UBE2R2: variants seen among roughly 807,000 people sequenced by gnomAD.
The protein encoded by UBE2R2 is ubiquitin-conjugating enzyme E2 R2.
Under a neutral mutation model 27.8 loss-of-function variants are expected in UBE2R2, and 1 was observed. The observed-to-expected ratio is 0.04, with a 90% CI of 0.01 to 0.17. UBE2R2 has a LOEUF of 0.17. Ranked by LOEUF, UBE2R2 falls within the 10% of genes least tolerant of loss-of-function variation. The pLI is 1.00. For missense variants in UBE2R2, 100 were observed against 291.0 expected, an observed-to-expected ratio of 0.34 and a Z score of 4.78; for synonymous variants, 106 against 113.3, an observed-to-expected ratio of 0.94 and a Z score of 0.41.
chr9:33,918,040 G>A lies in UBE2R2; in HGVS notation c.*803G>A, dbSNP rs1044821808. On this transcript the variant is annotated 3_prime_UTR_variant, in exon 5 of 5. Coordinates refer to ENST00000263228, the MANE Select transcript of UBE2R2 (RefSeq NM_017811.4). ...TTAAAGGCAGGGTTATTTCCCCCCA[G>A]GGAGTGGGGCAAGCGGGGAAGTTGG... 2.6e-5 allele frequency: 4 copies of A among 153,714 alleles called. No homozygotes were observed. The highest frequency in any genetic ancestry group is 5.9e-5 in the Non-Finnish European group (4 of 68,050). 9.5% of individuals were successfully genotyped at this position (153,714 alleles called of 1,614,324 possible).
intron 2 of UBE2R2, among the ~76,000 whole-genome samples, chr9:33,892,003 C>CAT (rs890473853): frequency 5.9e-5 from 9 of 151,926 alleles, no homozygotes; most frequent in Admixed American, 3.9e-4. Flanking sequence ...TGTGTGTGTG[C>CAT]ATATATATAT....
chr9:33,891,689 G>A lies in UBE2R2; in HGVS notation c.264+4722G>A, dbSNP rs2130801182. Among the ~76,000 whole-genome samples the A allele has an allele frequency of 1.3e-5, 2 of 152,138 alleles. 1 individual carries two copies. The highest frequency in any genetic ancestry group is 4.2e-4 in the South Asian group (2 of 4,818). ...AATAAATCAAAAGACAAGCGCTTTGGTCACAGTTTATTAAATAAATGTATA... is the reference window on the plus strand; with the variant it reads ...AATAAATCAAAAGACAAGCGCTTTGATCACAGTTTATTAAATAAATGTATA... On this transcript the variant is annotated intron_variant, in intron 2 of 4. Coordinates refer to ENST00000263228, the MANE Select transcript of UBE2R2 (RefSeq NM_017811.4).
chr9:33,822,526 A>G (rs543688043), intron 1 of UBE2R2, among the ~76,000 whole-genome samples: 18 of 151,792 alleles, frequency 1.2e-4, no homozygotes, highest in Middle Eastern at 3.4e-3. Context: ...ACTTGGGCTC[A>G]AGGGATCCTC....
chr9:33,863,518 C>G lies in UBE2R2; in HGVS notation c.178-23363C>G, dbSNP rs890129363. Among the ~76,000 whole-genome samples the G allele has an allele frequency of 1.2e-4, 18 of 149,398 alleles. 1 individual carries two copies. The highest frequency in any genetic ancestry group is 3.2e-4 in the African/African-American group (13 of 40,442). On this transcript the variant is annotated intron_variant, in intron 1 of 4. Transcript: ENST00000263228. The stretch of plus-strand genomic sequence containing the variant: ...CCTGGGGGACAGAGAGAAACTCCAT[C>G]TCCAAAAAACAAAAAAAAAAAAAGT...
intron 1 of UBE2R2, among the ~76,000 whole-genome samples, chr9:33,831,571 C>T (rs1367203397): frequency 6.6e-6 from 1 of 152,152 alleles, no homozygotes. Flanking sequence ...CATGCATCAC[C>T]ACACCTGGCT....
chr9:33,851,234 G>A (rs1587444198), intron 1 of UBE2R2, among the ~76,000 whole-genome samples: 1 of 152,166 alleles, frequency 6.6e-6, no homozygotes, highest in Non-Finnish European at 1.5e-5. Flanking sequence ...TGAACCATTT[G>A]AGGGTGAGTT....
At chr9:33,835,282 G>A (rs571377364) in intron 1 of UBE2R2, among the ~76,000 whole-genome samples, 154 of 151,610 alleles carry the variant, frequency 1.0e-3, no homozygotes, top group Non-Finnish European at 1.9e-3. Flanking sequence ...GAGTAGTTGG[G>A]ACTACAGGCA....
At position 33,886,786 on chromosome 9, in the gene UBE2R2, G is replaced by T. The variant is rs147067442; in HGVS notation, c.178-95G>T. The T allele has an allele frequency of 7.7e-5, 77 of 1,000,424 alleles. 1 individual carries two copies. The African/African-American group carries it at 1.1e-3, about 14-fold the overall frequency. The allele number at this position is 1,000,424 out of a possible 1,614,324, so 62.0% of individuals were successfully genotyped here. A position where few individuals can be genotyped will look rare whatever the true frequency, so the allele number is the denominator to read the frequency against. ...ATCTCAAGAGTTTACTCTATGAAAG[G>T]AGCTTTGTTTCTGTGGCGTGTAGTA... On this transcript the variant is annotated intron_variant, in intron 1 of 4. Transcript: ENST00000263228.
At chr9:33,903,497 T>C (rs536164857) in intron 3 of UBE2R2, among the ~76,000 whole-genome samples, 1 of 152,250 alleles carries the variant, frequency 6.6e-6, no homozygotes, top group Non-Finnish European at 1.5e-5. Flanking sequence ...ATTTTTATGC[T>C]GCTTGGCTGG....
intron 4 of UBE2R2, 126 bp from the exon 5 acceptor site, chr9:33,916,892 G>A: frequency 7.1e-7 from 1 of 1,402,810 alleles, no homozygotes; most frequent in Non-Finnish European, 9.5e-7. Context: ...TCTGTCAGAT[G>A]CTTTCAGGCA....
intron 1 of UBE2R2, among the ~76,000 whole-genome samples, chr9:33,821,414 A>C (rs1825979215): frequency 6.6e-6 from 1 of 151,446 alleles, no homozygotes; most frequent in Non-Finnish European, 1.5e-5. Context: ...TTTCTCAGCC[A>C]CCCAAAGTGC....
intron 1 of UBE2R2, among the ~76,000 whole-genome samples, chr9:33,859,617 ATTG>A: frequency 6.6e-6 from 1 of 152,234 alleles, no homozygotes; most frequent in East Asian, 1.9e-4. Context: ...TTACAGAAGC[ATTG>A]TTGTGACGTT....
intron 2 of UBE2R2, among the ~76,000 whole-genome samples, chr9:33,895,865 C>T (rs1350712066): frequency 1.8e-4 from 27 of 150,402 alleles, no homozygotes; most frequent in Admixed American, 8.0e-4. Context: ...CTCTGCCTCC[C>T]GGGTTCAAGC....
intron 3 of UBE2R2, among the ~76,000 whole-genome samples, chr9:33,911,545 AT>A (rs1474071956): frequency 6.6e-6 from 1 of 152,004 alleles, no homozygotes; most frequent in Non-Finnish European, 1.5e-5. Flanking sequence ...AATTTTTAAA[AT>A]AAACAGTATT....
rs1296244673 is a variant in UBE2R2, at chr9:33,817,376, C to T, written c.-382C>T. 1.3e-5 allele frequency among the ~76,000 whole-genome samples: 2 copies of T among 150,352 alleles called. No individual in the cohort carries two copies. Among genetic ancestry groups the T allele is most frequent in the Non-Finnish European group, 3.0e-5 (2 of 67,162 alleles). The stretch of plus-strand genomic sequence containing the variant: ...GCGCGGCGTTCCCGGGCCGGCCCGG[C>T]CCCCTCCCTTCACCATCGCCGGCCC... On this transcript the variant is annotated 5_prime_UTR_variant, in exon 1 of 5. Coordinates refer to ENST00000263228, the MANE Select transcript of UBE2R2 (RefSeq NM_017811.4).
intron 2 of UBE2R2, among the ~76,000 whole-genome samples, chr9:33,888,359 G>T (rs374413158): frequency 6.6e-6 from 1 of 152,214 alleles, no homozygotes; most frequent in East Asian, 1.9e-4. Flanking sequence ...ATATGGTTTT[G>T]CAGTGGTCTC....
chr9:33,893,492 T>G (rs1822032529), intron 2 of UBE2R2, among the ~76,000 whole-genome samples: 1 of 152,200 alleles, frequency 6.6e-6, no homozygotes, highest in Non-Finnish European at 1.5e-5. Flanking sequence ...GGATTGTTTC[T>G]CCCTTTTGTA....
chr9:33,835,155 T>TG (rs1015787160), intron 1 of UBE2R2, among the ~76,000 whole-genome samples: 1 of 149,360 alleles, frequency 6.7e-6, no homozygotes, highest in African/African-American at 2.5e-5. Flanking sequence ...GTTTTTTTTT[T>TG]TTTTTTTTTT....
At chr9:33,884,295 T>G (rs1331218958) in intron 1 of UBE2R2, among the ~76,000 whole-genome samples, 1 of 144,884 alleles carries the variant, frequency 6.9e-6, no homozygotes, top group Non-Finnish European at 1.5e-5. Context: ...CTTTCTTTTT[T>G]TTTTTTTGAG....
Sources: allele counts gnomAD v4.1 joint callset (sites outside exome capture counted in the v4.1 genomes callset), GRCh38; gene constraint gnomAD v4.1.1; transcripts MANE v1.5; gene names NCBI Gene and HGNC (gene_info 2026-07-23, HGNC 2026-07-21).